The following SCML2 variants were observed in gnomAD, a reference collection of about 807,000 sequenced individuals.
The protein encoded by SCML2 is sex comb on midleg-like protein 2.
In SCML2, 6 loss-of-function variants were observed where a neutral mutation model predicts 48.4. The observed-to-expected ratio is 0.12, with a 90% CI of 0.07 to 0.24. The LOEUF is 0.24. SCML2 is among the 10% of genes least tolerant of loss of function. SCML2 has a pLI of 1.00. For synonymous variants in SCML2, 181 were observed against 189.5 expected, an observed-to-expected ratio of 0.95 and a Z score of 0.37; for missense variants, 377 against 528.2, an observed-to-expected ratio of 0.71 and a Z score of 2.81.
chrX:18,272,833 G>A (rs754544857), intron 7 of SCML2, among the ~76,000 whole-genome samples: 1 of 111,412 alleles, frequency 9.0e-6, no homozygotes, highest in Non-Finnish European at 1.9e-5. Flanking sequence ...TCCAAAGAAG[G>A]AAATCCTACT....
At chrX:18,316,251 T>C (rs1470079961) in intron 6 of SCML2, among the ~76,000 whole-genome samples, 3 of 111,576 alleles carry the variant, frequency 2.7e-5, no homozygotes, top group African/African-American at 9.8e-5. Flanking sequence ...TAACTGGGTG[T>C]GGTGGCACAT....
chrX:18,264,790 T>C, intron 8 of SCML2, among the ~76,000 whole-genome samples: 1 of 111,384 alleles, frequency 9.0e-6, no homozygotes, highest in Non-Finnish European at 1.9e-5. Context: ...TCAGTTCAGA[T>C]CTTTTGCTTT....
intron 11 of SCML2, among the ~76,000 whole-genome samples, chrX:18,252,218 G>A (rs928073285): frequency 1.8e-5 from 2 of 112,654 alleles, no homozygotes; most frequent in African/African-American, 6.5e-5. Flanking sequence ...AGGTTGTGGC[G>A]AGCCAAGATC....
chrX:18,301,007 G>A (rs2147519147), intron 7 of SCML2, among the ~76,000 whole-genome samples: 1 of 111,381 alleles, frequency 9.0e-6, no homozygotes, highest in South Asian at 3.8e-4. Context: ...ATTATATGAA[G>A]TCTGTAAGGG....
chrX:18,248,367 C>T (rs1383867120), intron 11 of SCML2, among the ~76,000 whole-genome samples: 2 of 112,284 alleles, frequency 1.8e-5, no homozygotes, highest in African/African-American at 6.5e-5. Context: ...ACCTAAAGGA[C>T]CACTCCGTAA....
chrX:18,285,436 G>A (rs762846577), intron 7 of SCML2, among the ~76,000 whole-genome samples: 50 of 109,283 alleles, frequency 4.6e-4, no homozygotes, highest in African/African-American at 1.6e-3. Context: ...ATAATCCTAA[G>A]CAAATAAACA....
At chrX:18,352,850 T>C (rs1376046620) in intron 1 of SCML2, among the ~76,000 whole-genome samples, 1 of 111,973 alleles carries the variant, frequency 8.9e-6, no homozygotes, top group Non-Finnish European at 1.9e-5. Context: ...ACAGTAATCT[T>C]TTTTCCAACT....
chrX:18,304,998 T>A lies in SCML2; in HGVS notation c.704A>T (p.Asp235Val). 1 of 1,210,459 alleles carries A rather than the reference T, an allele frequency of 8.3e-7. No individual in the cohort carries two copies. Among genetic ancestry groups the A allele is most frequent in the Non-Finnish European group, 1.1e-6 (1 of 894,975 alleles). The change falls in exon 7 of 15, where the codon GAT (aspartate) becomes GTT (valine). Residue 235 changes from aspartate to valine, a missense_variant. By Grantham distance (152) the Asp-to-Val change is radical. Transcript: ENST00000251900. ...FPAGWCRLTG[D>V]VLQPPGTSVP... Reference sequence around the variant, plus strand: ...ACTAGTTCCTGGGGGTTGTAATACATCTCCTGTCAGGCGACACCACCCAGC... The same window carrying A: ...ACTAGTTCCTGGGGGTTGTAATACAACTCCTGTCAGGCGACACCACCCAGC...
At chrX:18,336,662 G>A (rs933239942) in intron 1 of SCML2, among the ~76,000 whole-genome samples, 2 of 107,017 alleles carry the variant, frequency 1.9e-5, no homozygotes, top group Non-Finnish European at 3.9e-5. Context: ...ATGTGAACCC[G>A]GGAGGCGGAG....
chrX:18,300,756 A>T, intron 7 of SCML2, among the ~76,000 whole-genome samples: 1 of 106,636 alleles, frequency 9.4e-6, no homozygotes, highest in African/African-American at 3.5e-5. Flanking sequence ...ACACCACTGC[A>T]CTCCAGCCTG....
intron 7 of SCML2, among the ~76,000 whole-genome samples, chrX:18,281,540 C>T (rs1428566218): frequency 7.3e-5 from 8 of 109,493 alleles, no homozygotes; most frequent in African/African-American, 2.0e-4. Flanking sequence ...GGCAAAACCC[C>T]GTCTCTACTA....
rs779580505 is a variant in SCML2 at position 18,322,539 on chromosome X, A to C, written c.397+1320T>G. ...AAAGACGTGAGTGAAAGAAGGCAAA[A>C]GGCAAAAAACAAACATGCCCCAAAC... On this transcript the variant is annotated intron_variant, in intron 5 of 14. Coordinates refer to ENST00000251900, the MANE Select transcript of SCML2 (RefSeq NM_006089.3). 2.7e-5 allele frequency among the ~76,000 whole-genome samples: 3 copies of C among 112,429 alleles called. No individual in the cohort carries two copies. The South Asian group carries it at 1.1e-3, about 41-fold the overall frequency.
chrX:18,274,040 T>C (rs1378214958), intron 7 of SCML2, among the ~76,000 whole-genome samples: 1 of 111,693 alleles, frequency 9.0e-6, no homozygotes. Context: ...ACCTCATTCC[T>C]CCTGGATGCC....
intron 2 of SCML2, among the ~76,000 whole-genome samples, chrX:18,331,923 T>C (rs908061876): frequency 3.6e-5 from 4 of 112,084 alleles, no homozygotes; most frequent in Non-Finnish European, 7.5e-5. Flanking sequence ...CAGAAGAGTT[T>C]GGTCAGATTT....
Position 18,263,360 on chromosome X carries a change from A to G in SCML2, c.948+2225T>C, listed in dbSNP as rs768373326. Among the ~76,000 whole-genome samples the G allele has an allele frequency of 5.4e-5, 6 of 111,867 alleles. No individual in the cohort carries two copies. In the South Asian group the frequency reaches 2.2e-3, roughly 41 times the overall value. ...GTATTGTAATTAGTTATAAATAGTC[A>G]TGTTATTATAAGTCATTTGCATTTA... On this transcript the variant is annotated intron_variant, in intron 8 of 14. Transcript: ENST00000251900.
intron 7 of SCML2, among the ~76,000 whole-genome samples, chrX:18,300,661 G>A (rs754541859): frequency 7.7e-4 from 84 of 109,496 alleles, no homozygotes; most frequent in African/African-American, 2.7e-3. Context: ...TGTTGTGGCA[G>A]ACGCCTATAA....
Position 18,346,147 on chromosome X carries a change from A to G in SCML2, c.-25+8445T>C, listed in dbSNP as rs995786515. ...AATCAGCTGTCTTAATTTACACACAAGTCTAAGTCAATGGGCCAAGGAGAA... is the reference window on the plus strand; with the variant it reads ...AATCAGCTGTCTTAATTTACACACAGGTCTAAGTCAATGGGCCAAGGAGAA... On this transcript the variant is annotated intron_variant, in intron 1 of 14. Transcript: ENST00000251900. Among the ~76,000 whole-genome samples the G allele has an allele frequency of 6.3e-5, 7 of 110,879 alleles. 2 individuals carry two copies. In the Admixed American group the frequency reaches 6.8e-4, roughly 11 times the overall value.
At chrX:18,320,130 AC>A (rs748941512) in intron 6 of SCML2, among the ~76,000 whole-genome samples, 5 of 112,548 alleles carry the variant, frequency 4.4e-5, no homozygotes, top group Non-Finnish European at 9.4e-5. Context: ...CTTACAGCCT[AC>A]AGAACTGAGA....
At chrX:18,314,819 T>G (rs925372172) in intron 6 of SCML2, among the ~76,000 whole-genome samples, 2 of 111,584 alleles carry the variant, frequency 1.8e-5, no homozygotes. Context: ...CCGGACACAG[T>G]GGCTCACACC....
Sources: allele counts gnomAD v4.1 joint callset (sites outside exome capture counted in the v4.1 genomes callset), GRCh38; gene constraint gnomAD v4.1.1; transcripts MANE v1.5; gene names NCBI Gene and HGNC (gene_info 2026-07-23, HGNC 2026-07-21).